The following TAF3 variants were observed in gnomAD, a reference collection of about 807,000 sequenced individuals.
TAF3 encodes TATA-box binding protein associated factor 3.
TAF3 carries 7 observed loss-of-function variants against 80.6 expected under a neutral mutation model. That is an observed-to-expected ratio of 0.09 (90% CI 0.05 to 0.16). The LOEUF (loss-of-function observed/expected upper bound fraction) is 0.16, where lower values mean the gene tolerates loss of function less well. TAF3 is among the 10% of genes least tolerant of loss of function. The pLI is 1.00. For synonymous variants in TAF3, 444 were observed against 446.1 expected (o/e 1.00, Z 0.06); for missense variants, 921 against 1,140.2 (o/e 0.81, Z 2.77).
At chr10:7,881,564 A>C (rs186286550) in intron 2 of TAF3, among the ~76,000 whole-genome samples, 5 of 152,212 alleles carry the variant, frequency 3.3e-5, no homozygotes, top group Admixed American at 3.3e-4. Flanking sequence ...GAACGTAATA[A>C]GTTTTTTATA....
intron 5 of TAF3, among the ~76,000 whole-genome samples, chr10:8,012,026 A>G (rs1448506932): frequency 6.6e-6 from 1 of 152,004 alleles, no homozygotes; most frequent in Non-Finnish European, 1.5e-5. Flanking sequence ...AAAATACAAA[A>G]ATTGGCTGGG....
In TAF3 at chr10:7,964,761, A is replaced by C; in HGVS notation, c.1251A>C (p.Gly417=). The change falls in exon 3 of 7, where the codon GGA becomes GGC. Residue 417 remains glycine (G), a synonymous_variant. Coordinates refer to ENST00000344293, the MANE Select transcript of TAF3 (RefSeq NM_031923.4). The surrounding 1 kb of genome is among the most constrained non-coding windows in gnomAD (Gnocchi z 4.1). The part of the protein sequence containing the change: ...FEFSSGSESE[G]DIFTSPKRIS... ...TTTCTTCTGGATCGGAATCTGAAGG[A>C]GACATTTTTACTAGCCCTAAGAGAA... The C allele has an allele frequency of 2.5e-6, 4 of 1,614,174 alleles. No homozygotes were observed. Among genetic ancestry groups the C allele is most frequent in the Non-Finnish European group, 3.4e-6 (4 of 1,180,032 alleles).
At chr10:7,939,157 T>A (rs1837952903) in intron 2 of TAF3, among the ~76,000 whole-genome samples, 1 of 152,226 alleles carries the variant, frequency 6.6e-6, no homozygotes, top group South Asian at 2.1e-4. Context: ...CATGTTTGTT[T>A]ATTAGCAAAA....
Position 7,863,696 on chromosome 10 carries a change from TATATATATACACATATATATATACAC to T in TAF3, c.409+39146_409+39171del, listed in dbSNP as rs1264789792. Among the ~76,000 whole-genome samples the T allele has an allele frequency of 4.5e-3, 378 of 83,534 alleles. 52 individuals are homozygous for T. The highest frequency in any genetic ancestry group is 0.015 in the African/African-American group (354 of 23,926). The allele number at this position is 83,534 out of a possible 152,430, so 54.8% of individuals were successfully genotyped here. A position where few individuals can be genotyped will look rare whatever the true frequency, so the allele number is the denominator to read the frequency against. ...ACATATATATATATACACACACATA[TATATATATACACATATATATATACAC>T]ATATATATATACACATATATATATA... On this transcript the variant is annotated intron_variant, in intron 2 of 6. Coordinates refer to ENST00000344293, the MANE Select transcript of TAF3 (RefSeq NM_031923.4).
At chr10:7,911,278 C>G (rs1261987123) in intron 2 of TAF3, among the ~76,000 whole-genome samples, 1 of 152,188 alleles carries the variant, frequency 6.6e-6, no homozygotes, top group Non-Finnish European at 1.5e-5. Context: ...TATATTTAGT[C>G]AGTCAGTGAA....
Position 8,002,528 on chromosome 10 carries a change from C to T in TAF3, c.2316-6550C>T, listed in dbSNP as rs138959903. 1.4e-3 allele frequency among the ~76,000 whole-genome samples: 218 copies of T among 152,176 alleles called. 3 individuals are homozygous for T. The highest frequency in any genetic ancestry group is 5.1e-3 in the African/African-American group (212 of 41,530). ...ATAGAAATTAGAAAGGCTTTTTGTT[C>T]CTTTGAGGAACTACTGATAGAGCAG... On this transcript the variant is annotated intron_variant, in intron 4 of 6. Transcript: ENST00000344293.
chr10:7,870,060 C>T (rs781178983), intron 2 of TAF3, among the ~76,000 whole-genome samples: 16 of 152,058 alleles, frequency 1.1e-4, no homozygotes, highest in African/African-American at 1.7e-4. Context: ...GAAATGAAAA[C>T]GGCTTGTATT....
In TAF3 at chr10:7,864,696, G is replaced by A. The variant is rs560882230; in HGVS notation, c.409+40136G>A. On this transcript the variant is annotated intron_variant, in intron 2 of 6. Coordinates refer to ENST00000344293, the MANE Select transcript of TAF3 (RefSeq NM_031923.4). ...CTGTGAAAGTTCTTTACCTATCCTG[G>A]TCATCAGTTTTTTATCATCTATTTG... is the stretch of plus-strand genomic sequence containing the variant. Among the ~76,000 whole-genome samples, 5 of 152,148 alleles carry A rather than the reference G, an allele frequency of 3.3e-5. No individual in the cohort carries two copies. In the South Asian group the frequency reaches 6.2e-4, roughly 19 times the overall value.
chr10:7,955,028 A>G (rs1033343704), intron 2 of TAF3, among the ~76,000 whole-genome samples: 5 of 152,184 alleles, frequency 3.3e-5, no homozygotes, highest in East Asian at 3.8e-4. Flanking sequence ...CCCAGTTAAC[A>G]CAGAGCTCTC....
intron 4 of TAF3, among the ~76,000 whole-genome samples, chr10:7,993,657 T>C (rs1831855648): frequency 6.6e-6 from 1 of 152,214 alleles, no homozygotes; most frequent in Non-Finnish European, 1.5e-5. Flanking sequence ...ATTCTTTTTT[T>C]CTTAAAGGGT....
intron 2 of TAF3, among the ~76,000 whole-genome samples, chr10:7,831,277 G>A (rs1836797268): frequency 6.6e-6 from 1 of 151,980 alleles, no homozygotes; most frequent in South Asian, 2.1e-4. Flanking sequence ...ATCCTTAGCA[G>A]GTGACTAGTT....
chr10:7,874,971 G>T (rs1294947415), intron 2 of TAF3, among the ~76,000 whole-genome samples: 2 of 151,966 alleles, frequency 1.3e-5, no homozygotes, highest in Non-Finnish European at 2.9e-5. Context: ...GTGCCTGCTT[G>T]CATTTGTGCT....
At chr10:7,898,503 G>A (rs1837527554) in intron 2 of TAF3, among the ~76,000 whole-genome samples, 1 of 141,518 alleles carries the variant, frequency 7.1e-6, no homozygotes, top group Non-Finnish European at 1.5e-5. Flanking sequence ...CCTAGATCAC[G>A]CCACTGCGCT....
chr10:7,841,779 C>T (rs1469793342), intron 2 of TAF3, among the ~76,000 whole-genome samples: 2 of 152,164 alleles, frequency 1.3e-5, no homozygotes, highest in Non-Finnish European at 2.9e-5. Context: ...AATCAGATAT[C>T]TAAATATCCA....
chr10:7,981,162 G>A (rs1831722203), intron 4 of TAF3, among the ~76,000 whole-genome samples: 1 of 152,234 alleles, frequency 6.6e-6, no homozygotes, highest in African/African-American at 2.4e-5. Context: ...ATTTGGGGCT[G>A]AATATAGGGT....
chr10:8,009,129 G>A lies in TAF3; in HGVS notation c.2367G>A (p.Gln789=), dbSNP rs760304151. The A allele has an allele frequency of 2.5e-6, 4 of 1,598,014 alleles. No homozygotes were observed. In the African/African-American group the frequency reaches 5.4e-5, roughly 21 times the overall value. ...PAPEAKPAPS[Q]NRPKTPPPAP... is the part of the protein sequence containing the mutation. ...CCGAGGCCAAGCCGGCGCCCTCGCA[G>A]AACAGGCCGAAGACCCCACCGCCGG... Residue 789 remains glutamine (Q), a synonymous_variant, in exon 5 of 7, where the codon CAG becomes CAA. Coordinates refer to ENST00000344293, the MANE Select transcript of TAF3 (RefSeq NM_031923.4). The surrounding 1 kb of genome is among the most constrained non-coding windows in gnomAD (Gnocchi z 4.1).
At chr10:8,010,283 T>C (rs556747435) in intron 5 of TAF3, among the ~76,000 whole-genome samples, 3 of 152,234 alleles carry the variant, frequency 2.0e-5, no homozygotes, top group Non-Finnish European at 4.4e-5. Context: ...AATGTTCACA[T>C]AGTCAGCCTC....
chr10:7,878,312 A>G (rs1837328845), intron 2 of TAF3, among the ~76,000 whole-genome samples: 1 of 152,218 alleles, frequency 6.6e-6, no homozygotes, highest in South Asian at 2.1e-4. Context: ...ATAGCAATGA[A>G]TAAAAGGCTC....
At chr10:7,943,573 C>A (rs1469763525) in intron 2 of TAF3, among the ~76,000 whole-genome samples, 2 of 152,124 alleles carry the variant, frequency 1.3e-5, no homozygotes, top group Non-Finnish European at 2.9e-5. Context: ...TTGCACACTG[C>A]TAGACACAAA....
Sources: gnomAD v4.1 joint callset for allele counts (sites outside exome capture counted in the v4.1 genomes callset) on GRCh38, gnomAD v4.1.1 for gene constraint, Gnocchi (gnomAD v3.1) non-coding constraint, MANE v1.5 for transcripts, NCBI Gene and HGNC (gene_info 2026-07-23, HGNC 2026-07-21) for gene names.